ZNF385B: variants seen among roughly 807,000 people sequenced by gnomAD.
ZNF385B encodes the protein zinc finger protein 533.
In ZNF385B, 23 loss-of-function variants were observed where a neutral mutation model predicts 39.2. The ratio of observed to expected loss-of-function variants is 0.59; its 90% CI spans 0.42 to 0.83. The LOEUF is 0.83. Among genes scored for constraint, ZNF385B ranks in the 40% least tolerant of loss-of-function variants. ZNF385B has a pLI of 0.00. For missense variants in ZNF385B, 552 were observed against 598.9 expected, an observed-to-expected ratio of 0.92 and a Z score of 0.82; for synonymous variants, 205 against 222.6, an observed-to-expected ratio of 0.92 and a Z score of 0.70.
intron 3 of ZNF385B, among the ~76,000 whole-genome samples, chr2:179,721,172 T>G (rs1287909029): frequency 6.6e-6 from 1 of 151,980 alleles, no homozygotes; most frequent in African/African-American, 2.4e-5. Context: ...TACAAAGGAA[T>G]ACACAAATCA....
At chr2:179,787,422 A>G (rs1705071043) in intron 1 of ZNF385B, among the ~76,000 whole-genome samples, 1 of 152,092 alleles carries the variant, frequency 6.6e-6, no homozygotes, top group Admixed American at 6.6e-5. Context: ...TAAAACCAAT[A>G]CAATATCTCT....
chr2:179,784,269 G>A (rs1704851926), intron 1 of ZNF385B, among the ~76,000 whole-genome samples: 1 of 151,920 alleles, frequency 6.6e-6, no homozygotes, highest in Admixed American at 6.6e-5. Flanking sequence ...GAGATGATAA[G>A]AACTTGTGAA....
At chr2:179,602,933 G>C (rs1688522616) in intron 3 of ZNF385B, among the ~76,000 whole-genome samples, 1 of 152,070 alleles carries the variant, frequency 6.6e-6, no homozygotes, top group South Asian at 2.1e-4. Context: ...TATTTTAAAA[G>C]CTTTTTCTGT....
chr2:179,666,569 T>A (rs1000708032), intron 3 of ZNF385B, among the ~76,000 whole-genome samples: 4 of 152,286 alleles, frequency 2.6e-5, no homozygotes, highest in Admixed American at 2.0e-4. Flanking sequence ...AATCATAGAA[T>A]CTCAATTCTT....
chr2:179,735,230 C>G (rs1234010240), intron 3 of ZNF385B, among the ~76,000 whole-genome samples: 2 of 149,978 alleles, frequency 1.3e-5, no homozygotes, highest in African/African-American at 4.9e-5. Context: ...AGGACATGAA[C>G]AGACACTTCT....
chr2:179,566,132 T>A (rs907978467), intron 3 of ZNF385B, among the ~76,000 whole-genome samples: 20 of 152,216 alleles, frequency 1.3e-4, no homozygotes, highest in African/African-American at 4.1e-4. Flanking sequence ...ACTACCTGAT[T>A]AAAGGTTTTA....
chr2:179,713,416 T>C (rs1056502270), intron 3 of ZNF385B, among the ~76,000 whole-genome samples: 1 of 152,186 alleles, frequency 6.6e-6, no homozygotes, highest in African/African-American at 2.4e-5. Flanking sequence ...AGAATGCGTA[T>C]TTCTTTTTTC....
chr2:179,680,236 T>C (rs972697533), intron 3 of ZNF385B, among the ~76,000 whole-genome samples: 1 of 152,148 alleles, frequency 6.6e-6, no homozygotes, highest in African/African-American at 2.4e-5. Flanking sequence ...AAAAGCTTAG[T>C]AAACTATAAA....
rs568988010 is a variant in ZNF385B, at chr2:179,445,235, G to C, written c.1141-258C>G. Among the ~76,000 whole-genome samples, 53 of 152,224 alleles carry C rather than the reference G, an allele frequency of 3.5e-4. 4 individuals are homozygous for C. In the South Asian group the frequency reaches 0.011, roughly 32 times the overall value. On this transcript the variant is annotated intron_variant, in intron 8 of 9. Coordinates refer to ENST00000410066, the MANE Select transcript of ZNF385B (RefSeq NM_152520.6). ...TGTTACTGATGAGTCTCTCTAATCAGATTTTGAGCCTTTGGAAGATAGGCT... is the reference window on the plus strand; with the variant it reads ...TGTTACTGATGAGTCTCTCTAATCACATTTTGAGCCTTTGGAAGATAGGCT...
At chr2:179,548,231 C>T (rs71425635) in intron 3 of ZNF385B, among the ~76,000 whole-genome samples, 10,757 of 149,458 alleles carry the variant, frequency 0.072, 939 homozygotes, top group Middle Eastern at 0.2. Context: ...TGTCTAAATA[C>T]TCTGGCTAGA....
At position 179,689,476 on chromosome 2, in the gene ZNF385B, C is replaced by T. The variant is rs114178290; in HGVS notation, c.298+80027G>A. Among the ~76,000 whole-genome samples, 1,282 of 152,002 alleles carry T rather than the reference C, an allele frequency of 8.4e-3. 20 individuals carry two copies. Among genetic ancestry groups the T allele is most frequent in the African/African-American group, 0.029 (1,184 of 41,408 alleles). On this transcript the variant is annotated intron_variant, in intron 3 of 9. Coordinates refer to ENST00000410066, the MANE Select transcript of ZNF385B (RefSeq NM_152520.6). ...CACTAATGGCCCTCGTGCAGAGCAGCGCATGGAGGGACAACTGCAGGAGAG... is the reference window on the plus strand; with the variant it reads ...CACTAATGGCCCTCGTGCAGAGCAGTGCATGGAGGGACAACTGCAGGAGAG...
At chr2:179,840,234 T>C (rs1708473098) in intron 1 of ZNF385B, among the ~76,000 whole-genome samples, 1 of 152,236 alleles carries the variant, frequency 6.6e-6, no homozygotes, top group Non-Finnish European at 1.5e-5. Context: ...CCAAAGTCCC[T>C]TAAAGGCACA....
At chr2:179,751,922 C>T (rs777291363) in intron 3 of ZNF385B, among the ~76,000 whole-genome samples, 4 of 151,814 alleles carry the variant, frequency 2.6e-5, no homozygotes, top group Non-Finnish European at 5.9e-5. Context: ...AATTTATTTA[C>T]TAATTGAATT....
chr2:179,619,717 C>T (rs1690050896), intron 3 of ZNF385B, among the ~76,000 whole-genome samples: 1 of 152,236 alleles, frequency 6.6e-6, no homozygotes, highest in African/African-American at 2.4e-5. Flanking sequence ...TATAAACCAG[C>T]TTGTGAACAG....
rs1178682001 is a variant in ZNF385B at position 179,443,235 on chromosome 2, TG to T, written c.*14del. ...AACTTCCTACTGGCCTCAAACGTCT[TG>T]GGGTTTGCAGACGTTAGTACGGAGC... On this transcript the variant is annotated 3_prime_UTR_variant, in exon 10 of 10. Transcript: ENST00000410066. 6.2e-7 allele frequency: 1 copy of T among 1,611,602 alleles called. No homozygotes were observed. The highest frequency in any genetic ancestry group is 8.5e-7 in the Non-Finnish European group (1 of 1,179,626).
At chr2:179,493,647 G>GTGTATA (rs2055619730) in intron 5 of ZNF385B, among the ~76,000 whole-genome samples, 1 of 105,540 alleles carries the variant, frequency 9.5e-6, no homozygotes, top group African/African-American at 3.5e-5. Flanking sequence ...ATACACATAT[G>GTGTATA]CGTATACATA....
chr2:179,714,942 C>CAAAAAAAAAAAAGAAAAAAAAAA (rs1700225633), intron 3 of ZNF385B, among the ~76,000 whole-genome samples: 1 of 79,230 alleles, frequency 1.3e-5, no homozygotes, highest in African/African-American at 5.1e-5. Flanking sequence ...GATTCTATCT[C>CAAAAAAAAAAAAGAAAAAAAAAA]AAAAAAAAAA....
chr2:179,748,945 CT>C (rs1243044502), intron 3 of ZNF385B, among the ~76,000 whole-genome samples: 2 of 152,084 alleles, frequency 1.3e-5, no homozygotes, highest in East Asian at 3.9e-4. Flanking sequence ...TTTCTATTCA[CT>C]GAACAAACTA....
At chr2:179,686,791 C>CTTTAGT (rs1045536288) in intron 3 of ZNF385B, among the ~76,000 whole-genome samples, 36 of 152,204 alleles carry the variant, frequency 2.4e-4, no homozygotes, top group African/African-American at 8.7e-4. Flanking sequence ...CTACTAAAAA[C>CTTTAGT]TGAATACCTT....
Sources: gnomAD v4.1 joint callset for allele counts (sites outside exome capture counted in the v4.1 genomes callset) on GRCh38, gnomAD v4.1.1 for gene constraint, MANE v1.5 for transcripts, NCBI Gene and HGNC (gene_info 2026-07-23, HGNC 2026-07-21) for gene names.